Variants in EPHB1 observed in about 807,000 individuals in gnomAD.
EPHB1 encodes EPH receptor B1.
In EPHB1, 30 loss-of-function variants were observed where a neutral mutation model predicts 94.4. The ratio of observed to expected loss-of-function variants is 0.32; its 90% CI spans 0.24 to 0.43. The LOEUF (loss-of-function observed/expected upper bound fraction) is 0.43. Ranked by LOEUF, EPHB1 falls within the 20% of genes least tolerant of loss-of-function variation. The pLI is 1.00. For synonymous variants in EPHB1, 522 were observed against 489.1 expected (o/e 1.07, Z -0.89); for missense variants, 1,055 against 1,308.3 (o/e 0.81, Z 2.99).
At chr3:134,866,340 C>T (rs369158683) in intron 1 of EPHB1, among the ~76,000 whole-genome samples, 7 of 152,342 alleles carry the variant, frequency 4.6e-5, no homozygotes, top group African/African-American at 1.4e-4. Flanking sequence ...TCGAGGAGTA[C>T]TGACTGCTCT....
intron 3 of EPHB1, among the ~76,000 whole-genome samples, chr3:135,000,272 T>C (rs775465254): frequency 2.6e-5 from 4 of 152,214 alleles, no homozygotes; most frequent in Non-Finnish European, 4.4e-5. Context: ...ACAGCATCTT[T>C]TGACAGACTT....
chr3:135,162,278 C>T, intron 7 of EPHB1, 98 bp downstream of exon 7: 1 of 1,322,948 alleles, frequency 7.6e-7, no homozygotes, highest in South Asian at 1.6e-5. Context: ...TGCTGATCTC[C>T]AACTGGATTC....
At chr3:134,930,254 A>G (rs964530619) in intron 2 of EPHB1, among the ~76,000 whole-genome samples, 1 of 152,242 alleles carries the variant, frequency 6.6e-6, no homozygotes, top group Admixed American at 6.5e-5. Flanking sequence ...AAGCCCACAA[A>G]TCATTCTCAG....
At chr3:135,154,461 C>A in intron 6 of EPHB1, 185 bp downstream of exon 6, 1 of 731,498 alleles carries the variant, frequency 1.4e-6, no homozygotes, top group Non-Finnish European at 2.1e-6. Context: ...AAAGCCCAGG[C>A]ACTTTCTGTG....
At chr3:134,830,896 A>G (rs949310114) in intron 1 of EPHB1, among the ~76,000 whole-genome samples, 1 of 152,174 alleles carries the variant, frequency 6.6e-6, no homozygotes, top group African/African-American at 2.4e-5. Context: ...GAAAGGGTAG[A>G]AGCCCTGGAT....
intron 3 of EPHB1, among the ~76,000 whole-genome samples, chr3:135,026,876 C>T (rs1462575167): frequency 7.1e-5 from 10 of 140,256 alleles, no homozygotes; most frequent in African/African-American, 2.7e-4. Context: ...TGTTTGTATC[C>T]TCTTTTATTT....
chr3:134,996,962 A>C (rs1935015629), intron 3 of EPHB1, among the ~76,000 whole-genome samples: 1 of 151,972 alleles, frequency 6.6e-6, no homozygotes, highest in African/African-American at 2.4e-5. Context: ...CTTTTTCCTT[A>C]TGTGCTTTTC....
In EPHB1 at chr3:135,052,945, A is replaced by G. The variant is rs28600086; in HGVS notation, c.806-53503A>G. ...TGTGTGTGTGTGTATATATGTGTGT[A>G]TATATATATATGTGTGTATATATAT... is the stretch of plus-strand genomic sequence containing the variant. On this transcript the variant is annotated intron_variant, in intron 3 of 15. Transcript: ENST00000398015. Among the ~76,000 whole-genome samples the G allele has an allele frequency of 6.1e-3, 531 of 86,508 alleles. 18 individuals carry two copies. The highest frequency in any genetic ancestry group is 0.036 in the African/African-American group (464 of 12,714). 56.8% of individuals were successfully genotyped at this position (86,508 alleles called of 152,430 possible).
intron 1 of EPHB1, among the ~76,000 whole-genome samples, chr3:134,856,482 A>G (rs554816747): frequency 6.8e-4 from 104 of 152,316 alleles, no homozygotes; most frequent in African/African-American, 2.3e-3. Flanking sequence ...ATTCTTTTTC[A>G]TGGGAAGGAA....
At position 135,072,385 on chromosome 3, in the gene EPHB1, AAAAC is replaced by A. The variant is rs1407402595; in HGVS notation, c.806-34053_806-34050del. 5.9e-5 allele frequency among the ~76,000 whole-genome samples: 9 copies of A among 152,186 alleles called. No homozygotes were observed. In the South Asian group the frequency reaches 1.7e-3, roughly 28 times the overall value. On this transcript the variant is annotated intron_variant, in intron 3 of 15. Coordinates refer to ENST00000398015, the MANE Select transcript of EPHB1 (RefSeq NM_004441.5). ...GGTGACAGAGTGAGACTCCATCTCAAAAACAAACAAACACTCAAGTAAAACAGCC... is the reference window on the plus strand; with the variant it reads ...GGTGACAGAGTGAGACTCCATCTCAAAAACAAACACTCAAGTAAAACAGCC...
intron 9 of EPHB1, among the ~76,000 whole-genome samples, chr3:135,173,333 C>T (rs1038527910): frequency 1.3e-5 from 2 of 152,208 alleles, no homozygotes; most frequent in Non-Finnish European, 2.9e-5. Flanking sequence ...CGCGCCCGGC[C>T]TGAAATAGTT....
At chr3:135,138,414 A>G (rs190035195) in intron 5 of EPHB1, among the ~76,000 whole-genome samples, 2 of 152,386 alleles carry the variant, frequency 1.3e-5, no homozygotes, top group Admixed American at 6.5e-5. Context: ...TTGGTTAAAT[A>G]TAGTATTTGC....
chr3:135,083,163 A>G (rs1284695034), intron 3 of EPHB1, among the ~76,000 whole-genome samples: 1 of 151,940 alleles, frequency 6.6e-6, no homozygotes, highest in African/African-American at 2.4e-5. Flanking sequence ...GGGCCTGATG[A>G]CCCCATTGGA....
At chr3:134,964,420 A>G (rs114125254) in intron 3 of EPHB1, among the ~76,000 whole-genome samples, 2,532 of 152,350 alleles carry the variant, frequency 0.017, 47 homozygotes, top group African/African-American at 0.045. Context: ...GTTGGTGATA[A>G]TGTCTCAGTT....
At chr3:135,087,265 A>C (rs1181596905) in intron 3 of EPHB1, among the ~76,000 whole-genome samples, 1 of 152,216 alleles carries the variant, frequency 6.6e-6, no homozygotes, top group Admixed American at 6.5e-5. Context: ...TCATCTTGAA[A>C]TAATTGACAC....
At chr3:135,035,974 C>G (rs1936631093) in intron 3 of EPHB1, among the ~76,000 whole-genome samples, 2 of 152,234 alleles carry the variant, frequency 1.3e-5, no homozygotes, top group South Asian at 2.1e-4. Context: ...GTATGGAAAT[C>G]CTCTTTGGAG....
intron 13 of EPHB1, among the ~76,000 whole-genome samples, chr3:135,247,250 T>C (rs140214674): frequency 3.1e-3 from 476 of 152,340 alleles, no homozygotes; most frequent in African/African-American, 0.01. Flanking sequence ...CAAGGTCTTT[T>C]CTATGCATGT....
At chr3:135,241,053 G>A (rs1255637318) in intron 12 of EPHB1, 95 bp from the exon 13 acceptor site, 2 of 1,410,408 alleles carry the variant, frequency 1.4e-6, no homozygotes, top group African/African-American at 2.8e-5. Flanking sequence ...ATATGGGAGT[G>A]AGAGTTTGGA....
At chr3:134,931,829 A>G (rs2038909593) in intron 2 of EPHB1, among the ~76,000 whole-genome samples, 1 of 152,082 alleles carries the variant, frequency 6.6e-6, no homozygotes, top group Non-Finnish European at 1.5e-5. Flanking sequence ...ATATGTATAT[A>G]TGTGTGTCTA....
Sources: gnomAD v4.1 joint callset for allele counts (sites outside exome capture counted in the v4.1 genomes callset) on GRCh38, gnomAD v4.1.1 for gene constraint, MANE v1.5 for transcripts, NCBI Gene and HGNC (gene_info 2026-07-23, HGNC 2026-07-21) for gene names.